Variants in ARHGAP42 observed in about 807,000 individuals in gnomAD.
The protein encoded by ARHGAP42 is Rho GTPase activating protein 42, also known as rho GTPase-activating protein 42.
In ARHGAP42, 63 loss-of-function variants were observed where a neutral mutation model predicts 125.0. The ratio of observed to expected loss-of-function variants is 0.50; its 90% confidence interval spans 0.41 to 0.62. The LOEUF is 0.62. ARHGAP42 is among the 20% of genes least tolerant of loss of function. The pLI is 0.00. For missense variants in ARHGAP42, 766 were observed against 1,024.2 expected (o/e 0.75, Z 3.44); for synonymous variants, 339 against 351.0 (o/e 0.97, Z 0.38).
chr11:100,865,262 T>C (rs1865542264), intron 4 of ARHGAP42, among the ~76,000 whole-genome samples: 1 of 152,202 alleles, frequency 6.6e-6, no homozygotes, highest in South Asian at 2.1e-4. Context: ...GCATGTAATA[T>C]CCAAAAAAAT....
chr11:100,824,117 C>T lies in ARHGAP42; in HGVS notation c.312+28951C>T, dbSNP rs1864458614. On this transcript the variant is annotated intron_variant, in intron 3 of 23. Transcript: ENST00000298815. ...TTGTGCTTTTGCAGATTAAGTATAT[C>T]TGAATGCACTTGCATATCCCCCACC... Among the ~76,000 whole-genome samples, 4 of 152,118 alleles carry T rather than the reference C, an allele frequency of 2.6e-5. No individual in the cohort carries two copies. The South Asian group carries it at 8.3e-4, about 31-fold the overall frequency.
At chr11:100,815,029 C>T (rs1479604248) in intron 3 of ARHGAP42, among the ~76,000 whole-genome samples, 1 of 152,250 alleles carries the variant, frequency 6.6e-6, no homozygotes, top group Admixed American at 6.5e-5. Context: ...CCCTCTAAAA[C>T]AAGTGCTCCC....
chr11:100,934,731 G>C (rs182650680), intron 7 of ARHGAP42, among the ~76,000 whole-genome samples: 23 of 152,280 alleles, frequency 1.5e-4, no homozygotes, highest in African/African-American at 5.1e-4. Flanking sequence ...CAAAGTGTAT[G>C]TTTTTCTGCT....
chr11:100,752,172 G>T (rs2120353474), intron 1 of ARHGAP42, among the ~76,000 whole-genome samples: 1 of 152,200 alleles, frequency 6.6e-6, no homozygotes, highest in South Asian at 2.1e-4. Context: ...GAACCTGGAG[G>T]GTGCTCCACC....
At chr11:100,750,872 A>C (rs1414721273) in intron 1 of ARHGAP42, among the ~76,000 whole-genome samples, 1 of 150,856 alleles carries the variant, frequency 6.6e-6, no homozygotes, top group East Asian at 1.9e-4. Flanking sequence ...TCTAACAACC[A>C]CCTCCTACAG....
intron 5 of ARHGAP42, among the ~76,000 whole-genome samples, chr11:100,915,062 T>C (rs1335401120): frequency 6.6e-6 from 1 of 152,148 alleles, no homozygotes; most frequent in African/African-American, 2.4e-5. Context: ...TATTAACACA[T>C]GCTATTAAAA....
chr11:100,889,983 C>T (rs1252132621), intron 4 of ARHGAP42, among the ~76,000 whole-genome samples: 1 of 152,086 alleles, frequency 6.6e-6, no homozygotes, highest in Admixed American at 6.6e-5. Flanking sequence ...AGGCAATAGG[C>T]AGGGTTGGTG....
Position 100,744,134 on chromosome 11 carries a change from C to T in ARHGAP42, c.155-26209C>T, listed in dbSNP as rs371142874. On this transcript the variant is annotated intron_variant, in intron 1 of 23. Transcript: ENST00000298815. ...TACAGGCGCCTGCCTCCACGCCCGG[C>T]TAATTTTTCTATTTTTAGTAGAGAC... Among the ~76,000 whole-genome samples, 70 of 152,222 alleles carry T rather than the reference C, an allele frequency of 4.6e-4. 1 individual carries two copies. In the East Asian group the frequency reaches 0.012, roughly 26 times the overall value.
At chr11:100,987,446 A>G in intron 22 of ARHGAP42, 67 bp from the exon 23 acceptor site, 1 of 1,268,128 alleles carries the variant, frequency 7.9e-7, no homozygotes, top group East Asian at 2.5e-5. Context: ...TTCTTGAAGA[A>G]GAGTTTTAAA....
chr11:100,945,482 C>T (rs569204677), intron 10 of ARHGAP42, among the ~76,000 whole-genome samples: 3 of 152,136 alleles, frequency 2.0e-5, no homozygotes, highest in South Asian at 4.1e-4. Flanking sequence ...TACTTATGGC[C>T]GTGAAAGCCT....
At chr11:100,822,946 C>T (rs1479371142) in intron 3 of ARHGAP42, among the ~76,000 whole-genome samples, 1 of 152,082 alleles carries the variant, frequency 6.6e-6, no homozygotes, top group African/African-American at 2.4e-5. Context: ...AGGATGATTT[C>T]AGAAGTGGAG....
rs547583708 is a variant in ARHGAP42 at position 100,780,527 on chromosome 11, C to A, written c.250+10089C>A. ...GATGAAGTTGGTCCACCTGACCCAC[C>A]CAGGATCCACTCTATGAAGCATGGT... On this transcript the variant is annotated intron_variant, in intron 2 of 23. Coordinates refer to ENST00000298815, the MANE Select transcript of ARHGAP42 (RefSeq NM_152432.4). Among the ~76,000 whole-genome samples, 3 of 152,286 alleles carry A rather than the reference C, an allele frequency of 2.0e-5. No individual in the cohort carries two copies. The South Asian group carries it at 6.2e-4, about 32-fold the overall frequency.
intron 2 of ARHGAP42, among the ~76,000 whole-genome samples, chr11:100,771,765 A>AT (rs919559511): frequency 4.6e-5 from 7 of 151,300 alleles, no homozygotes; most frequent in South Asian, 4.2e-4. Context: ...TGCCTGGCTA[A>AT]TTTTTTTTTG....
chr11:100,693,589 T>C (rs1861228342), intron 1 of ARHGAP42, among the ~76,000 whole-genome samples: 1 of 152,202 alleles, frequency 6.6e-6, no homozygotes, highest in African/African-American at 2.4e-5. Context: ...TCTTTATTTC[T>C]CCTAGATTTC....
intron 3 of ARHGAP42, among the ~76,000 whole-genome samples, chr11:100,812,814 T>C (rs766049272): frequency 1.4e-4 from 21 of 152,060 alleles, no homozygotes; most frequent in Non-Finnish European, 2.8e-4. Flanking sequence ...GGCGGGGGGA[T>C]TATGAAGAAT....
chr11:100,735,721 G>C (rs1025450622), intron 1 of ARHGAP42, among the ~76,000 whole-genome samples: 18 of 144,492 alleles, frequency 1.2e-4, no homozygotes, highest in Non-Finnish European at 1.5e-5. Context: ...CGAGTCTCCT[G>C]CCTCAGACTC....
rs749877720 is a variant in ARHGAP42 at position 100,903,706 on chromosome 11, C to CAAAAAAAAAAAAA, written c.385-9742_385-9741insAAAAAAAAAAAAA. Among the ~76,000 whole-genome samples the CAAAAAAAAAAAAA allele has an allele frequency of 1.9e-3, 63 of 32,520 alleles. 2 individuals carry two copies. The highest frequency in any genetic ancestry group is 3.9e-3 in the Admixed American group (10 of 2,560). The allele number at this position is 32,520 out of a possible 152,430, so 21.3% of individuals were successfully genotyped here. On this transcript the variant is annotated intron_variant, in intron 4 of 23. Transcript: ENST00000298815. ...AGAATGTATATATATACATGTCCCT[C>CAAAAAAAAAAAAA]AAAATATATATATATATATATATAT... is the stretch of plus-strand genomic sequence containing the variant.
intron 2 of ARHGAP42, 56 bp from the exon 3 acceptor site, chr11:100,795,045 GTAAT>G (rs1863675693): frequency 1.6e-6 from 2 of 1,279,854 alleles, no homozygotes; most frequent in African/African-American, 3.0e-5. Flanking sequence ...TTCTTCTTGA[GTAAT>G]TAGATATTAG....
intron 1 of ARHGAP42, 45 bp from the exon 2 acceptor site, chr11:100,770,298 G>A (rs1043375412): frequency 6.1e-6 from 8 of 1,318,446 alleles, no homozygotes; most frequent in Non-Finnish European, 8.4e-6. Flanking sequence ...TTCGGATTCA[G>A]TGGAACCTCA....
Sources: allele counts gnomAD v4.1 joint callset (sites outside exome capture counted in the v4.1 genomes callset), GRCh38; gene constraint gnomAD v4.1.1; transcripts MANE v1.5; gene names NCBI Gene and HGNC (gene_info 2026-07-23, HGNC 2026-07-21).